Variants in PCDHGB2 observed in about 807,000 individuals in gnomAD.
The protein encoded by PCDHGB2 is protocadherin gamma-B2.
PCDHGB2 carries 55 observed loss-of-function variants against 59.3 expected under a neutral mutation model. That is an observed-to-expected ratio of 0.93 (90% confidence interval 0.75 to 1.16). The LOEUF (loss-of-function observed/expected upper bound fraction) is 1.16, where lower values mean the gene tolerates loss of function less well. Ranked by LOEUF, PCDHGB2 falls within the 50% of genes most tolerant of loss-of-function variation. The pLI, the probability that PCDHGB2 is intolerant of heterozygous loss-of-function variation, is 0.00. For missense variants in PCDHGB2, 1,228 were observed against 1,198.5 expected (o/e 1.02, Z -0.36); for synonymous variants, 516 against 512.0 (o/e 1.01, Z -0.11).
intron 1 of PCDHGB2, among the ~76,000 whole-genome samples, chr5:141,481,095 C>T (rs1456056389): frequency 1.3e-5 from 2 of 152,120 alleles, no homozygotes; most frequent in African/African-American, 2.4e-5. Context: ...AAAAGCAGTA[C>T]TCTGGAACCT....
chr5:141,371,551 TA>T, intron 1 of PCDHGB2: 1 of 1,613,822 alleles, frequency 6.2e-7, no homozygotes, highest in Non-Finnish European at 8.5e-7. Flanking sequence ...CTATGCCAAC[TA>T]AAAGGAAACT....
At chr5:141,498,231 A>T (rs1213697084) in intron 2 of PCDHGB2, among the ~76,000 whole-genome samples, 1 of 152,268 alleles carries the variant, frequency 6.6e-6, no homozygotes, top group East Asian at 1.9e-4. Flanking sequence ...ATGGTCAGGC[A>T]TACCAGCTTC....
intron 1 of PCDHGB2, chr5:141,387,841 C>T: frequency 2.5e-6 from 4 of 1,597,678 alleles, no homozygotes; most frequent in Non-Finnish European, 3.4e-6. Flanking sequence ...TATTTGTAAC[C>T]CGGCGTCTCC....
In PCDHGB2 at chr5:141,460,596, C is replaced by A. The variant is rs930441447; in HGVS notation, c.2422-34211C>A. On this transcript the variant is annotated intron_variant, in intron 1 of 3. Transcript: ENST00000522605. ...TGTAGGTGTGGGTTTTTTCTGGGCT[C>A]TCTGTGTTAGATGGATAGATAGACA... Among the ~76,000 whole-genome samples the A allele has an allele frequency of 1.3e-5, 2 of 151,986 alleles. 1 individual carries two copies. The highest frequency in any genetic ancestry group is 4.1e-4 in the South Asian group (2 of 4,824).
chr5:141,408,157 T>C (rs748693406), intron 1 of PCDHGB2: 70 of 1,514,372 alleles, frequency 4.6e-5, no homozygotes, highest in Non-Finnish European at 5.9e-5. Flanking sequence ...AGAGTGCACT[T>C]TCTCCAACTG....
At chr5:141,437,047 G>C (rs2097860477) in intron 1 of PCDHGB2, among the ~76,000 whole-genome samples, 1 of 152,214 alleles carries the variant, frequency 6.6e-6, no homozygotes, top group Admixed American at 6.5e-5. Context: ...AAACCAGAAG[G>C]CTGGTGATCA....
chr5:141,364,998 C>T (rs912689186), intron 1 of PCDHGB2: 1 of 1,613,920 alleles, frequency 6.2e-7, no homozygotes, highest in Non-Finnish European at 8.5e-7. Flanking sequence ...CCGGTACTCT[C>T]CGGCACCACG....
At chr5:141,414,473 G>T (rs371832510) in intron 1 of PCDHGB2, 1 of 1,613,908 alleles carries the variant, frequency 6.2e-7, no homozygotes, top group Non-Finnish European at 8.5e-7. Flanking sequence ...GATGGGGGAA[G>T]TCCTCCTCTA....
chr5:141,395,538 TTGTTTGTGTG>T, intron 1 of PCDHGB2: 1 of 225,786 alleles, frequency 4.4e-6, no homozygotes, highest in Non-Finnish European at 7.1e-6. Context: ...AATTTTGCTA[TTGTTTGTGTG>T]TGTGTGTGTG....
chr5:141,364,678 T>G (rs758125696), intron 1 of PCDHGB2: 4 of 1,613,814 alleles, frequency 2.5e-6, no homozygotes, highest in Non-Finnish European at 3.4e-6. Flanking sequence ...AAATGAAAAT[T>G]TATGGAGTAG....
At chr5:141,375,275 GT>G in intron 1 of PCDHGB2, 3 of 1,613,902 alleles carry the variant, frequency 1.9e-6, no homozygotes, top group Non-Finnish European at 1.7e-6. Flanking sequence ...GGAAAAATCA[GT>G]TGGCAATTAT....
intron 1 of PCDHGB2, among the ~76,000 whole-genome samples, chr5:141,463,316 T>A (rs1290852110): frequency 1.3e-5 from 2 of 151,806 alleles, no homozygotes; most frequent in African/African-American, 2.4e-5. Flanking sequence ...TAATATCTAT[T>A]CCTCAACTCA....
rs1424221139 is a variant in PCDHGB2, at chr5:141,491,867, T to G, written c.2422-2940T>G. On this transcript the variant is annotated intron_variant, in intron 1 of 3. Coordinates refer to ENST00000522605, the MANE Select transcript of PCDHGB2 (RefSeq NM_018923.3). The surrounding 1 kb of genome is among the most constrained non-coding windows in gnomAD (Gnocchi z 6.9). ...TTGGACCGTTTGCGCGAAACCAGAG[T>G]GGCCGATTAAGGGATGGGGCTCCGA... 2 of 1,452,218 alleles carry G rather than the reference T, an allele frequency of 1.4e-6. No homozygotes were observed. The highest frequency in any genetic ancestry group is 1.8e-6 in the Non-Finnish European group (2 of 1,099,056). 90.0% of individuals were successfully genotyped at this position (1,452,218 alleles called of 1,614,324 possible).
intron 1 of PCDHGB2, among the ~76,000 whole-genome samples, chr5:141,455,289 A>C (rs1592356100): frequency 6.6e-6 from 1 of 152,074 alleles, no homozygotes; most frequent in South Asian, 2.1e-4. Flanking sequence ...ATCACTTTAC[A>C]TAGTTTCATC....
At chr5:141,456,574 T>G (rs373414652) in intron 1 of PCDHGB2, among the ~76,000 whole-genome samples, 3 of 152,198 alleles carry the variant, frequency 2.0e-5, no homozygotes, top group South Asian at 4.1e-4. Flanking sequence ...ACATTTTCCC[T>G]GAGCCTGTCA....
chr5:141,371,937 T>C, intron 1 of PCDHGB2: 1 of 1,613,290 alleles, frequency 6.2e-7, no homozygotes. Flanking sequence ...CGGGGTGGTG[T>C]TCGCGCAGCG....
intron 1 of PCDHGB2, among the ~76,000 whole-genome samples, chr5:141,453,101 T>TTTTTG (rs879618609): frequency 3.2e-4 from 49 of 152,130 alleles, no homozygotes; most frequent in Middle Eastern, 6.8e-3. Flanking sequence ...TTCTGTTGCT[T>TTTTTG]TTTTGTTTTG....
intron 3 of PCDHGB2, among the ~76,000 whole-genome samples, chr5:141,510,518 GC>G (rs2099881500): frequency 6.6e-6 from 1 of 152,112 alleles, no homozygotes; most frequent in Non-Finnish European, 1.5e-5. Context: ...CCGTGTCACA[GC>G]CCTGAGAGAA....
At chr5:141,420,254 G>C (rs186977117) in intron 1 of PCDHGB2, 3 of 1,569,172 alleles carry the variant, frequency 1.9e-6, no homozygotes, top group Admixed American at 3.8e-5. Context: ...CGTTGAAGCA[G>C]ATAAGAAGAT....
Sources: allele counts gnomAD v4.1 joint callset (sites outside exome capture counted in the v4.1 genomes callset), GRCh38; gene constraint gnomAD v4.1.1; non-coding constraint Gnocchi (gnomAD v3.1); transcripts MANE v1.5; gene names NCBI Gene and HGNC (gene_info 2026-07-23, HGNC 2026-07-21).